The following HK1 variants were observed in gnomAD, a reference collection of about 807,000 sequenced individuals.
HK1 encodes the protein hexokinase 1.
Under a neutral mutation model 91.6 loss-of-function variants are expected in HK1, and 28 were observed. The observed-to-expected ratio is 0.31, with a 90% CI of 0.23 to 0.42. The LOEUF is 0.42. Ranked by LOEUF, HK1 falls within the 10% of genes least tolerant of loss-of-function variation. HK1 has a pLI of 1.00. For missense variants in HK1, 770 were observed against 1,219.8 expected (o/e 0.63, Z 5.49); for synonymous variants, 430 against 468.1 (o/e 0.92, Z 1.05).
At chr10:69,338,836 G>A (rs946051210) in intron 1 of HK1, among the ~76,000 whole-genome samples, 7 of 152,042 alleles carry the variant, frequency 4.6e-5, no homozygotes, top group African/African-American at 1.7e-4. Context: ...TAAAGATCTG[G>A]AGATGCTGTG....
intron 1 of HK1, among the ~76,000 whole-genome samples, chr10:69,334,524 C>T (rs555436106): frequency 2.3e-4 from 35 of 152,264 alleles, no homozygotes; most frequent in Admixed American, 1.5e-3. Context: ...AGTGAGAGGC[C>T]GCTGCCGGGG....
intron 1 of HK1, among the ~76,000 whole-genome samples, chr10:69,276,118 A>AAAAAAAAAAAT: frequency 5.2e-5 from 2 of 38,262 alleles, no homozygotes; most frequent in African/African-American, 1.5e-4. Context: ...AAAAAAAAAA[A>AAAAAAAAAAAT]ATACATATAT....
chr10:69,319,065 T>A (rs924475966), intron 1 of HK1, 55 bp downstream of exon 1: 6 of 1,553,090 alleles, frequency 3.9e-6, no homozygotes, highest in Admixed American at 3.8e-5. Context: ...CGTTCCGGCA[T>A]CCGCTCGCCG....
intron 4 of HK1, among the ~76,000 whole-genome samples, chr10:69,300,188 TCA>T (rs939964884): frequency 6.6e-6 from 1 of 151,738 alleles, no homozygotes; most frequent in Admixed American, 6.6e-5. Context: ...CAAAATCCCT[TCA>T]CAGTCTTTTC....
At chr10:69,341,817 T>C (rs1848304179) in intron 1 of HK1, among the ~76,000 whole-genome samples, 1 of 151,954 alleles carries the variant, frequency 6.6e-6, no homozygotes, top group African/African-American at 2.4e-5. Flanking sequence ...TGAGCTGCTT[T>C]ATTGTAAAGG....
At chr10:69,394,628 T>A (rs1484602319) in intron 15 of HK1, among the ~76,000 whole-genome samples, 1 of 151,702 alleles carries the variant, frequency 6.6e-6, no homozygotes. Flanking sequence ...AACAGGCAGG[T>A]AGAACCCAGG....
rs532123608 is a variant in HK1 at position 69,359,602 on chromosome 10, G to A, written c.227-295G>A. Among the ~76,000 whole-genome samples, 8 of 152,316 alleles carry A rather than the reference G, an allele frequency of 5.3e-5. No individual in the cohort carries two copies. In the South Asian group the frequency reaches 1.4e-3, roughly 28 times the overall value. ...GGTTAAGAAACTAGAGAAACATGGGGTGGGAATTTGTACTTAATTCAGTAC... is the reference window on the plus strand; with the variant it reads ...GGTTAAGAAACTAGAGAAACATGGGATGGGAATTTGTACTTAATTCAGTAC... On this transcript the variant is annotated intron_variant, in intron 2 of 17. Coordinates refer to ENST00000359426, the MANE Select transcript of HK1 (RefSeq NM_000188.3).
intron 3 of HK1, among the ~76,000 whole-genome samples, chr10:69,291,926 G>T (rs1247534937): frequency 6.6e-6 from 1 of 152,178 alleles, no homozygotes. Context: ...TCAGCAGGGA[G>T]TTGGCTATCA....
At chr10:69,362,827 G>T (rs575126812) in intron 3 of HK1, among the ~76,000 whole-genome samples, 1 of 152,210 alleles carries the variant, frequency 6.6e-6, no homozygotes, top group East Asian at 1.9e-4. Flanking sequence ...AATGTAGGTC[G>T]CAGGAAGCTT....
At chr10:69,393,923 C>A (rs1840024003) in intron 15 of HK1, among the ~76,000 whole-genome samples, 1 of 152,084 alleles carries the variant, frequency 6.6e-6, no homozygotes, top group Admixed American at 6.6e-5. Flanking sequence ...ATAGTAAGAC[C>A]CCCTTGGTTA....
chr10:69,337,863 G>C (rs1848067819), intron 1 of HK1, among the ~76,000 whole-genome samples: 1 of 152,204 alleles, frequency 6.6e-6, no homozygotes, highest in African/African-American at 2.4e-5. Flanking sequence ...TGGCTGGGAT[G>C]GTTACCAGTG....
At chr10:69,272,430 A>G (rs974888315) in intron 1 of HK1, among the ~76,000 whole-genome samples, 1 of 152,166 alleles carries the variant, frequency 6.6e-6, no homozygotes, top group Admixed American at 6.6e-5. Flanking sequence ...GATCTAAGCA[A>G]TTTTAGCATT....
At chr10:69,304,379 C>T (rs1217755721) in intron 5 of HK1, among the ~76,000 whole-genome samples, 2 of 151,964 alleles carry the variant, frequency 1.3e-5, no homozygotes, top group African/African-American at 4.8e-5. Flanking sequence ...CCAGTCTCGG[C>T]TCACTGCAAC....
In HK1 at chr10:69,360,035, G is replaced by C. The variant is rs1432665014; in HGVS notation, c.365G>C (p.Ser122Thr). ...YDTPENIVHGSGSQLFDHVAE... is the reference protein window; with the variant it reads ...YDTPENIVHGTGSQLFDHVAE... ...ACCCCAGAGAACATCGTGCACGGCA[G>C]TGGAAGCCAGGTGGGTCCCTGCTCC... Residue 122 changes from serine to threonine, a missense_variant, in exon 3 of 18, where the codon AGT (serine) becomes ACT (threonine). Ser to Thr is a moderately conservative substitution (Grantham distance 58). Transcript: ENST00000359426. The C allele has an allele frequency of 6.2e-7, 1 of 1,613,928 alleles. No individual in the cohort carries two copies. The highest frequency in any genetic ancestry group is 8.5e-7 in the Non-Finnish European group (1 of 1,180,006).
chr10:69,369,541 T>G lies in HK1; in HGVS notation c.792T>G (p.Phe264Leu), dbSNP rs1849889494. The change falls in exon 7 of 18, where the codon TTT (phenylalanine) becomes TTG (leucine). Residue 264 changes from phenylalanine to leucine, a missense_variant. Around this residue, in one of 7 missense-constraint regions of HK1, gnomAD observed 449 missense variants for 665.1 expected, o/e 0.68. Transcript: ENST00000359426. The surrounding 1 kb of genome is among the most constrained non-coding windows in gnomAD (Gnocchi z 4.4). ...GTATCAATACAGAATGGGGAGCCTTTGGAGACGATGGATCATTAGAAGACA... is the reference window on the plus strand; with the variant it reads ...GTATCAATACAGAATGGGGAGCCTTGGGAGACGATGGATCATTAGAAGACA... ...RMCINTEWGA[F>L]GDDGSLEDIR... 6.2e-7 allele frequency: 1 copy of G among 1,614,040 alleles called. No homozygotes were observed. The highest frequency in any genetic ancestry group is 8.5e-7 in the Non-Finnish European group (1 of 1,180,036).
chr10:69,302,379 A>ATT (rs61340732), intron 5 of HK1, among the ~76,000 whole-genome samples: 10 of 139,574 alleles, frequency 7.2e-5, no homozygotes, highest in African/African-American at 2.3e-4. Context: ...TGGTATAATG[A>ATT]TTTTTTTTTT....
intron 4 of HK1, among the ~76,000 whole-genome samples, chr10:69,298,808 C>T (rs1039032551): frequency 7.9e-5 from 12 of 151,836 alleles, no homozygotes; most frequent in Non-Finnish European, 1.0e-4. Flanking sequence ...AATTAGCAGG[C>T]TATTTAAATT....
chr10:69,289,890 G>T (rs1161441725), intron 3 of HK1, among the ~76,000 whole-genome samples: 1 of 151,524 alleles, frequency 6.6e-6, no homozygotes, highest in Non-Finnish European at 1.5e-5. Context: ...CAAAGTGTTG[G>T]GATTACAGTG....
intron 1 of HK1, among the ~76,000 whole-genome samples, chr10:69,341,026 T>C (rs10998730): frequency 0.54 from 81,979 of 151,950 alleles, 23,038 homozygotes; most frequent in African/African-American, 0.67. Context: ...TGTCTCTCCC[T>C]GCAGACCCAG....
Sources: gnomAD v4.1 joint callset for allele counts (sites outside exome capture counted in the v4.1 genomes callset) on GRCh38, gnomAD v4.1.1 for gene constraint, gnomAD v4.1.1 regional missense constraint, Gnocchi (gnomAD v3.1) non-coding constraint, MANE v1.5 for transcripts, NCBI Gene and HGNC (gene_info 2026-07-23, HGNC 2026-07-21) for gene names.